Variants in BRD9 observed in about 807,000 individuals in gnomAD.
BRD9 encodes the protein bromodomain containing 9.
A neutral mutation model predicts 68.7 loss-of-function variants in BRD9; 47 were observed. The ratio of observed to expected loss-of-function variants is 0.68; its 90% confidence interval spans 0.54 to 0.87. The LOEUF is 0.87. Ranked by LOEUF, BRD9 falls within the 40% of genes least tolerant of loss-of-function variation. The pLI is 0.00. For missense variants in BRD9, 670 were observed against 748.4 expected (o/e 0.90, Z 1.22); for synonymous variants, 313 against 293.9 (o/e 1.06, Z -0.67).
chr5:885,178 G>A (rs1431318770), intron 7 of BRD9, among the ~76,000 whole-genome samples: 3 of 152,212 alleles, frequency 2.0e-5, no homozygotes, highest in African/African-American at 4.8e-5. Context: ...GGCTGAGGCC[G>A]GACACAGCCA....
Position 889,048 on chromosome 5 carries a change from A to G in BRD9, c.579T>C (p.Asn193=), listed in dbSNP as rs771099571. 2 of 1,609,416 alleles carry G rather than the reference A, an allele frequency of 1.2e-6. No homozygotes were observed. Among genetic ancestry groups the G allele is most frequent in the Non-Finnish European group, 1.7e-6 (2 of 1,178,896 alleles). The stretch of plus-strand genomic sequence containing the variant: ...TAAATTCCGTAACTGACTTGTATTC[A>G]TTAGCTACAATTTTGTCTTTCATGG... ...FGTMKDKIVA[N]EYKSVTEFKA... The change falls in exon 5 of 16, where the codon AAT becomes AAC. Residue 193 remains asparagine (N), a synonymous_variant. Coordinates refer to ENST00000467963, the MANE Select transcript of BRD9 (RefSeq NM_023924.5).
rs1027720847 is a variant in BRD9 at position 891,264 on chromosome 5, C to T, written c.291G>A (p.Glu97=). 5 of 1,551,614 alleles carry T rather than the reference C, an allele frequency of 3.2e-6. No homozygotes were observed. The highest frequency in any genetic ancestry group is 4.4e-6 in the Non-Finnish European group (5 of 1,146,972). The change falls in exon 3 of 16, where the codon GAG becomes GAA. Residue 97 remains glutamate (E), a synonymous_variant. Coordinates refer to ENST00000467963, the MANE Select transcript of BRD9 (RefSeq NM_023924.5). The stretch of plus-strand genomic sequence containing the variant: ...CTCCCTCCGTGTCACAGTGCTCCCT[C>T]TCTCGCTTCCGCTTCTTCTCTTCCT... ...KRKEEKKRKR[E]REHCDTEGEA...
Position 864,295 on chromosome 5 carries a change from G to C in BRD9, c.*173C>G. The C allele has an allele frequency of 1.9e-6, 1 of 523,044 alleles. No homozygotes were observed. Among genetic ancestry groups the C allele is most frequent in the Non-Finnish European group, 3.4e-6 (1 of 293,852 alleles). The allele number at this position is 523,044 out of a possible 1,614,324, so 32.4% of individuals were successfully genotyped here. On this transcript the variant is annotated 3_prime_UTR_variant, in exon 16 of 16. Transcript: ENST00000467963. ...CGTATGACTCCACTCCTCAGGGTTC[G>C]TGGGGCTTGGAGACTCTGCTGACAT... is the stretch of plus-strand genomic sequence containing the variant.
chr5:889,222 C>G, intron 4 of BRD9, 57 bp from the exon 5 acceptor site: 1 of 1,539,462 alleles, frequency 6.5e-7, no homozygotes, highest in African/African-American at 1.4e-5. Flanking sequence ...GATACAAAAT[C>G]TCTTACAATC....
intron 1 of BRD9, 114 bp downstream of exon 1, chr5:892,492 T>A (rs1362090057): frequency 6.8e-7 from 1 of 1,464,638 alleles, no homozygotes; most frequent in Non-Finnish European, 9.0e-7. Flanking sequence ...CCAGAACCCC[T>A]CCCTCGTGGC....
At position 892,470 on chromosome 5, in the gene BRD9, C is replaced by T. The variant is rs911981544; in HGVS notation, c.52+136G>A. ...TTCCCTGCCCGAAATCCCAGGACCCCCTCCCGCGTGCCCAGAACCCCTCCC... is the reference window on the plus strand; with the variant it reads ...TTCCCTGCCCGAAATCCCAGGACCCTCTCCCGCGTGCCCAGAACCCCTCCC... On this transcript the variant is annotated intron_variant, in intron 1 of 15. Transcript: ENST00000467963. 4 of 1,433,844 alleles carry T rather than the reference C, an allele frequency of 2.8e-6. No individual in the cohort carries two copies. The African/African-American group carries it at 6.0e-5, about 21-fold the overall frequency. 88.8% of individuals were successfully genotyped at this position (1,433,844 alleles called of 1,614,324 possible).
chr5:864,432 A>C lies in BRD9; in HGVS notation c.*36T>G, dbSNP rs765027761. On this transcript the variant is annotated 3_prime_UTR_variant, in exon 16 of 16. Transcript: ENST00000467963. The stretch of plus-strand genomic sequence containing the variant: ...ACTCTACACGTGCAAAATAAAACTA[A>C]AAAAATAAAATAAAAGAGCTGAAGG... 2.0e-6 allele frequency: 3 copies of C among 1,517,514 alleles called. No individual in the cohort carries two copies. Among genetic ancestry groups the C allele is most frequent in the African/African-American group, 1.4e-5 (1 of 71,294 alleles). 94.0% of individuals were successfully genotyped at this position (1,517,514 alleles called of 1,614,324 possible).
At chr5:872,602 G>A (rs1750310952) in intron 12 of BRD9, among the ~76,000 whole-genome samples, 1 of 152,168 alleles carries the variant, frequency 6.6e-6, no homozygotes, top group Admixed American at 6.5e-5. Flanking sequence ...CGAGCTGGTG[G>A]GGCAGGCTCT....
At chr5:883,656 A>G in intron 8 of BRD9, 1 of 514,874 alleles carries the variant, frequency 1.9e-6, no homozygotes, top group Non-Finnish European at 3.5e-6. Flanking sequence ...CTCCAAGAGA[A>G]AGGATTAGCC....
intron 8 of BRD9, chr5:883,717 A>C: frequency 1.6e-6 from 1 of 617,036 alleles, no homozygotes; most frequent in Non-Finnish European, 2.8e-6. Flanking sequence ...CGTGGCCTCC[A>C]CGATGCATGA....
At chr5:885,268 T>G (rs1408795876) in intron 7 of BRD9, among the ~76,000 whole-genome samples, 1 of 152,212 alleles carries the variant, frequency 6.6e-6, no homozygotes, top group Non-Finnish European at 1.5e-5. Flanking sequence ...CTTAGGGGAC[T>G]GTCGTCCGTT....
At chr5:872,115 C>T (rs1025670811) in intron 12 of BRD9, among the ~76,000 whole-genome samples, 1 of 152,326 alleles carries the variant, frequency 6.6e-6, no homozygotes. Flanking sequence ...TGGGCCGGGC[C>T]GTGCATTGTC....
chr5:876,931 A>G (rs1453393837), intron 11 of BRD9, among the ~76,000 whole-genome samples: 1 of 152,208 alleles, frequency 6.6e-6, no homozygotes, highest in African/African-American at 2.4e-5. Context: ...CGGAAGCAGC[A>G]CTCAGGGGCA....
At chr5:869,405 CTGAG>C (rs556549195) in intron 14 of BRD9, 7 of 454,580 alleles carry the variant, frequency 1.5e-5, no homozygotes, top group South Asian at 1.1e-4. Context: ...CTGAAAGAAA[CTGAG>C]TATTTTATCT....
At chr5:871,901 C>T (rs1210251492) in intron 12 of BRD9, among the ~76,000 whole-genome samples, 2 of 152,256 alleles carry the variant, frequency 1.3e-5, no homozygotes, top group African/African-American at 4.8e-5. Flanking sequence ...TGCCTAGATC[C>T]TATGGGAAGC....
chr5:875,633 CA>C (rs1187764520), intron 12 of BRD9, among the ~76,000 whole-genome samples: 2 of 152,178 alleles, frequency 1.3e-5, no homozygotes, highest in Non-Finnish European at 2.9e-5. Context: ...AAGTGTGAGC[CA>C]CCATGCTTGG....
At chr5:887,307 C>A (rs1047318719) in intron 6 of BRD9, 54 bp downstream of exon 6, 5 of 1,460,236 alleles carry the variant, frequency 3.4e-6, no homozygotes, top group Non-Finnish European at 4.8e-6. Context: ...GCACAAGCGA[C>A]GGGGGGCAGA....
At chr5:889,196 A>G (rs1232063522) in intron 4 of BRD9, 31 bp from the exon 5 acceptor site, 1 of 1,594,214 alleles carries the variant, frequency 6.3e-7, no homozygotes. Flanking sequence ...AAGCGGAAAA[A>G]TCTAGATTTC....
chr5:882,960 C>A (rs1752006215), intron 8 of BRD9: 2 of 278,932 alleles, frequency 7.2e-6, no homozygotes, highest in Non-Finnish European at 1.3e-5. Context: ...CACAACCTCC[C>A]AACACACAAG....
Sources: gnomAD v4.1 joint callset for allele counts (sites outside exome capture counted in the v4.1 genomes callset) on GRCh38, gnomAD v4.1.1 for gene constraint, MANE v1.5 for transcripts, NCBI Gene and HGNC (gene_info 2026-07-23, HGNC 2026-07-21) for gene names.